The following RTN1 variants were observed in gnomAD, a reference collection of about 807,000 sequenced individuals.
The protein encoded by RTN1 is reticulon-1.
RTN1 carries 25 observed loss-of-function variants against 65.5 expected under a neutral mutation model. The ratio of observed to expected loss-of-function variants is 0.38; its 90% CI spans 0.28 to 0.53. The LOEUF is 0.53. RTN1 is among the 20% of genes least tolerant of loss of function. The pLI is 0.79. For synonymous variants in RTN1, 471 were observed against 447.6 expected (o/e 1.05, Z -0.66); for missense variants, 983 against 1,025.4 (o/e 0.96, Z 0.57).
chr14:59,602,841 G>A (rs1397422480), intron 8 of RTN1, among the ~76,000 whole-genome samples: 1 of 152,064 alleles, frequency 6.6e-6, no homozygotes, highest in Non-Finnish European at 1.5e-5. Context: ...AACTTATTAT[G>A]AAACCTGAAT....
Position 59,749,993 on chromosome 14 carries a change from A to ATATAG in RTN1, c.242-3513_242-3512insCTATA, listed in dbSNP as rs1555358795. 3.6e-4 allele frequency among the ~76,000 whole-genome samples: 25 copies of ATATAG among 69,628 alleles called. 1 individual carries two copies. Among genetic ancestry groups the ATATAG allele is most frequent in the African/African-American group, 1.7e-3 (23 of 13,238 alleles). 45.7% of individuals were successfully genotyped at this position (69,628 alleles called of 152,430 possible). On this transcript the variant is annotated intron_variant, in intron 1 of 8. Coordinates refer to ENST00000267484, the MANE Select transcript of RTN1 (RefSeq NM_021136.3). Reference sequence around the variant, plus strand: ...TATACATATATTATATATTATATACATATATATTATATACATATATATTAT... The same window carrying ATATAG: ...TATACATATATTATATATTATATACATATAGTATATATTATATACATATATATTAT...
intron 1 of RTN1, among the ~76,000 whole-genome samples, chr14:59,863,899 A>T (rs1399387399): frequency 2.0e-5 from 3 of 152,174 alleles, no homozygotes; most frequent in Admixed American, 6.5e-5. Context: ...ATACATTCAG[A>T]ATATATCTAG....
At chr14:59,860,678 A>T (rs994833940) in intron 1 of RTN1, among the ~76,000 whole-genome samples, 1 of 152,202 alleles carries the variant, frequency 6.6e-6, no homozygotes, top group African/African-American at 2.4e-5. Flanking sequence ...TACCCTGAAA[A>T]GCCACAGGGG....
chr14:59,749,178 ATATATCTATC>A (rs1885307487), intron 1 of RTN1, among the ~76,000 whole-genome samples: 4 of 113,430 alleles, frequency 3.5e-5, no homozygotes, highest in African/African-American at 1.4e-4. Context: ...ATATCTATCT[ATATATCTATC>A]TATATATATC....
intron 3 of RTN1, among the ~76,000 whole-genome samples, chr14:59,685,831 G>A (rs1469286081): frequency 6.6e-6 from 1 of 152,144 alleles, no homozygotes; most frequent in African/African-American, 2.4e-5. Context: ...AAATCTGTGT[G>A]TGACCACAAC....
chr14:59,796,933 G>A lies in RTN1; in HGVS notation c.242-50452C>T, dbSNP rs184970720. Reference sequence around the variant, plus strand: ...AAAATAGTGCCTCACACAAAGTAGGGGTTCAATAAAAGTTTGTTGAGTTAA... The same window carrying A: ...AAAATAGTGCCTCACACAAAGTAGGAGTTCAATAAAAGTTTGTTGAGTTAA... On this transcript the variant is annotated intron_variant, in intron 1 of 8. Transcript: ENST00000267484. Among the ~76,000 whole-genome samples, 21 of 152,148 alleles carry A rather than the reference G, an allele frequency of 1.4e-4. No individual in the cohort carries two copies. The East Asian group carries it at 4.1e-3, about 29-fold the overall frequency.
intron 1 of RTN1, among the ~76,000 whole-genome samples, chr14:59,819,905 T>G (rs1451015859): frequency 1.3e-5 from 2 of 151,712 alleles, no homozygotes; most frequent in Non-Finnish European, 2.9e-5. Flanking sequence ...AACTCAGCCC[T>G]GGTTCCCGCC....
chr14:59,783,981 G>A (rs1204351041), intron 1 of RTN1, among the ~76,000 whole-genome samples: 2 of 150,782 alleles, frequency 1.3e-5, no homozygotes, highest in Non-Finnish European at 2.9e-5. Context: ...CAGGGGCTTG[G>A]ATCCTTAGAA....
intron 3 of RTN1, among the ~76,000 whole-genome samples, chr14:59,638,159 G>A (rs1016390109): frequency 7.5e-5 from 4 of 53,358 alleles, no homozygotes; most frequent in African/African-American, 2.5e-4. Context: ...GCCACAAAAT[G>A]TATTTTAAAT....
intron 1 of RTN1, among the ~76,000 whole-genome samples, chr14:59,844,133 G>A (rs1201444576): frequency 1.3e-5 from 2 of 152,152 alleles, no homozygotes; most frequent in African/African-American, 4.8e-5. Flanking sequence ...TTTTCTTGTA[G>A]GCACAGGCCT....
At chr14:59,862,116 T>G (rs1887721536) in intron 1 of RTN1, among the ~76,000 whole-genome samples, 1 of 152,210 alleles carries the variant, frequency 6.6e-6, no homozygotes, top group South Asian at 2.1e-4. Context: ...CCATGAACTA[T>G]TTTAAGTTGC....
At chr14:59,758,252 C>G (rs1454432901) in intron 1 of RTN1, among the ~76,000 whole-genome samples, 1 of 152,110 alleles carries the variant, frequency 6.6e-6, no homozygotes, top group Non-Finnish European at 1.5e-5. Context: ...CCAGCCTCAC[C>G]TCTTCTCACT....
At chr14:59,863,132 C>A (rs112863945) in intron 1 of RTN1, among the ~76,000 whole-genome samples, 2 of 152,170 alleles carry the variant, frequency 1.3e-5, no homozygotes, top group African/African-American at 4.8e-5. Context: ...CCCCACCTCC[C>A]GCAACACCAA....
At chr14:59,685,061 A>T (rs1251436816) in intron 3 of RTN1, among the ~76,000 whole-genome samples, 1 of 152,206 alleles carries the variant, frequency 6.6e-6, no homozygotes, top group African/African-American at 2.4e-5. Flanking sequence ...ACATTAACAG[A>T]ATGCAGGATA....
chr14:59,812,546 T>C (rs1402948457), intron 1 of RTN1, among the ~76,000 whole-genome samples: 1 of 152,184 alleles, frequency 6.6e-6, no homozygotes, highest in Admixed American at 6.5e-5. Flanking sequence ...TCATAACACA[T>C]GCAAATATAA....
rs1296122678 is a variant in RTN1, at chr14:59,610,137, T to G, written c.1766-2645A>C. 4 of 776,636 alleles carry G rather than the reference T, an allele frequency of 5.2e-6. No homozygotes were observed. In the Admixed American group the frequency reaches 6.8e-5, roughly 13 times the overall value. The allele number at this position is 776,636 out of a possible 1,614,324, so 48.1% of individuals were successfully genotyped here. A position where few individuals can be genotyped will look rare whatever the true frequency, so the allele number is the denominator to read the frequency against. ...TGCTTTATACCTGGTAGAAATGGCATGCCCTCTAGGGAAGCCTCCTAAATC... is the reference window on the plus strand; with the variant it reads ...TGCTTTATACCTGGTAGAAATGGCAGGCCCTCTAGGGAAGCCTCCTAAATC... On this transcript the variant is annotated intron_variant, in intron 3 of 8. Coordinates refer to ENST00000267484, the MANE Select transcript of RTN1 (RefSeq NM_021136.3).
chr14:59,844,426 A>C (rs1887369826), intron 1 of RTN1, among the ~76,000 whole-genome samples: 1 of 152,200 alleles, frequency 6.6e-6, no homozygotes, highest in African/African-American at 2.4e-5. Flanking sequence ...TTAAAAGGTT[A>C]CTCTGACAAT....
chr14:59,695,666 A>T (rs1432518128), intron 3 of RTN1, among the ~76,000 whole-genome samples: 1 of 152,174 alleles, frequency 6.6e-6, no homozygotes, highest in Non-Finnish European at 1.5e-5. Context: ...AACTAGAAAA[A>T]GCTGAAGAAT....
chr14:59,864,098 A>C (rs140770840), intron 1 of RTN1, among the ~76,000 whole-genome samples: 3 of 152,234 alleles, frequency 2.0e-5, no homozygotes, highest in Admixed American at 1.3e-4. Context: ...AACTCTAAAT[A>C]TGTTCCTTCT....
Sources: allele counts gnomAD v4.1 joint callset (sites outside exome capture counted in the v4.1 genomes callset), GRCh38; gene constraint gnomAD v4.1.1; transcripts MANE v1.5; gene names NCBI Gene and HGNC (gene_info 2026-07-23, HGNC 2026-07-21).